Variants in MYT1L observed in about 807,000 individuals in gnomAD.
The protein encoded by MYT1L is myelin transcription factor 1-like protein.
A neutral mutation model predicts 126.7 loss-of-function variants in MYT1L; 12 were observed. The observed-to-expected ratio is 0.09, with a 90% CI of 0.06 to 0.15. The LOEUF is 0.15. MYT1L is among the 10% of genes least tolerant of loss of function. The pLI is 1.00. For synonymous variants in MYT1L, 541 were observed against 604.2 expected, an observed-to-expected ratio of 0.90 and a Z score of 1.53; for missense variants, 979 against 1,585.2, an observed-to-expected ratio of 0.62 and a Z score of 6.49.
At position 1,806,966 on chromosome 2, in the gene MYT1L, G is replaced by C. The variant is rs2035821284; in HGVS notation, c.3172+2110C>G. On this transcript the variant is annotated intron_variant, in intron 22 of 24. Transcript: ENST00000647738. The surrounding 1 kb of genome is among the most constrained non-coding windows in gnomAD (Gnocchi z 4.9). ...GGGAATGTTTTCTTTCTGGCAAGGA[G>C]CACTGCTCCGTAATAACTAGAAAGC... 6.6e-6 allele frequency among the ~76,000 whole-genome samples: 1 copy of C among 152,230 alleles called. No individual in the cohort carries two copies. The highest frequency in any genetic ancestry group is 2.1e-4 in the South Asian group (1 of 4,830).
At chr2:2,117,524 A>C (rs546637357) in intron 3 of MYT1L, among the ~76,000 whole-genome samples, 1 of 152,288 alleles carries the variant, frequency 6.6e-6, no homozygotes, top group South Asian at 2.1e-4. Context: ...GGATACAAAA[A>C]GCATCTGTGC....
chr2:2,244,299 T>C (rs1055018982), intron 2 of MYT1L, among the ~76,000 whole-genome samples: 4 of 152,226 alleles, frequency 2.6e-5, no homozygotes, highest in Non-Finnish European at 5.9e-5. Context: ...TTGTGTCCAT[T>C]TGCAAAATTA....
chr2:1,904,044 A>G, intron 13 of MYT1L, among the ~76,000 whole-genome samples: 1 of 152,218 alleles, frequency 6.6e-6, no homozygotes, highest in East Asian at 1.9e-4. Flanking sequence ...GACTTGCAGA[A>G]AAGTTGTACA....
intron 1 of MYT1L, among the ~76,000 whole-genome samples, chr2:2,315,804 A>G (rs1445127896): frequency 6.6e-6 from 1 of 152,212 alleles, no homozygotes; most frequent in East Asian, 1.9e-4. Flanking sequence ...GTATGTCTTA[A>G]GCATATTTCT....
At chr2:1,961,044 C>T (rs1445027521) in intron 8 of MYT1L, among the ~76,000 whole-genome samples, 1 of 151,982 alleles carries the variant, frequency 6.6e-6, no homozygotes, top group African/African-American at 2.4e-5. Flanking sequence ...AGTTAGCACT[C>T]AACAATTAGT....
At chr2:2,173,265 A>C (rs894709600) in intron 2 of MYT1L, among the ~76,000 whole-genome samples, 57 of 152,366 alleles carry the variant, frequency 3.7e-4, no homozygotes, top group African/African-American at 1.3e-3. Context: ...TGAAGGTAAA[A>C]CCATATGCAC....
chr2:2,286,278 G>A (rs1327354322), intron 1 of MYT1L, among the ~76,000 whole-genome samples: 2 of 152,052 alleles, frequency 1.3e-5, no homozygotes, highest in Non-Finnish European at 2.9e-5. Flanking sequence ...TACCACACCC[G>A]GCCTGTTCTT....
intron 9 of MYT1L, among the ~76,000 whole-genome samples, chr2:1,924,192 T>C (rs1158331955): frequency 6.6e-6 from 1 of 152,234 alleles, no homozygotes; most frequent in East Asian, 1.9e-4. Context: ...AAAAAGACCA[T>C]GTTAAAAATT....
intron 3 of MYT1L, among the ~76,000 whole-genome samples, chr2:2,114,716 C>G (rs1265516285): frequency 6.6e-6 from 1 of 152,180 alleles, no homozygotes; most frequent in African/African-American, 2.4e-5. Context: ...ATGAATGAAT[C>G]AAGAGTTGGC....
At chr2:1,843,995 T>C (rs2042176059) in intron 19 of MYT1L, among the ~76,000 whole-genome samples, 1 of 152,230 alleles carries the variant, frequency 6.6e-6, no homozygotes. Context: ...AGCTCTCATC[T>C]GAAAGCCATG....
intron 2 of MYT1L, among the ~76,000 whole-genome samples, chr2:2,245,432 G>A (rs1418394171): frequency 6.6e-6 from 1 of 151,996 alleles, no homozygotes; most frequent in Non-Finnish European, 1.5e-5. Flanking sequence ...GACTAGATAA[G>A]TTAATCAAGC....
chr2:2,277,332 G>A (rs1413731640), intron 2 of MYT1L, among the ~76,000 whole-genome samples: 1 of 152,114 alleles, frequency 6.6e-6, no homozygotes, highest in Non-Finnish European at 1.5e-5. Flanking sequence ...CTTCATACCC[G>A]ATGGTGATTT....
At chr2:2,084,098 C>T (rs1040970792) in intron 3 of MYT1L, among the ~76,000 whole-genome samples, 1 of 150,950 alleles carries the variant, frequency 6.6e-6, no homozygotes, top group African/African-American at 2.4e-5. Flanking sequence ...ATCAGTAAGC[C>T]CATGTGCTGA....
intron 1 of MYT1L, among the ~76,000 whole-genome samples, chr2:2,293,288 G>A (rs2095626010): frequency 6.6e-6 from 1 of 152,182 alleles, no homozygotes; most frequent in South Asian, 2.1e-4. Flanking sequence ...AAATGCCTGT[G>A]TATTCTTAGG....
At chr2:2,137,812 T>C (rs1018670005) in intron 3 of MYT1L, among the ~76,000 whole-genome samples, 1 of 151,334 alleles carries the variant, frequency 6.6e-6, no homozygotes, top group African/African-American at 2.5e-5. Flanking sequence ...CCAAAAGCAA[T>C]GGTAACAAAA....
intron 8 of MYT1L, among the ~76,000 whole-genome samples, chr2:1,951,085 A>G (rs1397508414): frequency 6.6e-6 from 1 of 151,948 alleles, no homozygotes; most frequent in South Asian, 2.1e-4. Context: ...TTTGGTTGGG[A>G]ACAGAGGCTT....
chr2:1,823,723 G>C (rs1440115616), intron 21 of MYT1L, among the ~76,000 whole-genome samples: 1 of 152,186 alleles, frequency 6.6e-6, no homozygotes, highest in African/African-American at 2.4e-5. Flanking sequence ...GGTGGGTCAG[G>C]CTCCTGGCAC....
At chr2:2,193,465 G>C (rs1465218029) in intron 2 of MYT1L, among the ~76,000 whole-genome samples, 1 of 152,200 alleles carries the variant, frequency 6.6e-6, no homozygotes, top group East Asian at 1.9e-4. Context: ...CACACGGTCA[G>C]TTGTCTCCCC....
chr2:2,286,242 A>G (rs996078918), intron 1 of MYT1L, among the ~76,000 whole-genome samples: 4 of 152,032 alleles, frequency 2.6e-5, no homozygotes, highest in Non-Finnish European at 4.4e-5. Flanking sequence ...CAGCCTCCCA[A>G]TGTGCTGGGA....
Sources: allele counts gnomAD v4.1 joint callset (sites outside exome capture counted in the v4.1 genomes callset), GRCh38; gene constraint gnomAD v4.1.1; non-coding constraint Gnocchi (gnomAD v3.1); transcripts MANE v1.5; gene names NCBI Gene and HGNC (gene_info 2026-07-23, HGNC 2026-07-21).